Variants in F5 observed in about 807,000 individuals in gnomAD.
F5 encodes activated protein c cofactor.
In F5, 138 loss-of-function variants were observed where a neutral mutation model predicts 216.4. That is an observed-to-expected ratio of 0.64 (90% confidence interval 0.56 to 0.73). F5 has a LOEUF of 0.73. Among genes scored for constraint, F5 ranks in the 30% least tolerant of loss-of-function variants. The pLI, the probability that F5 is intolerant of heterozygous loss-of-function variation, is 0.00. For missense variants in F5, 2,403 were observed against 2,674.0 expected, an observed-to-expected ratio of 0.90 and a Z score of 2.24; for synonymous variants, 916 against 930.7, an observed-to-expected ratio of 0.98 and a Z score of 0.29.
intron 14 of F5, among the ~76,000 whole-genome samples, chr1:169,535,547 A>G (rs937940576): frequency 2.0e-5 from 3 of 152,072 alleles, no homozygotes; most frequent in African/African-American, 7.2e-5. Flanking sequence ...TTCCCTTTTG[A>G]GTCTCCAATG....
In F5 at chr1:169,540,285, T is replaced by C; in HGVS notation, c.4796+9A>G. The C allele has an allele frequency of 1.9e-6, 3 of 1,613,598 alleles. No individual in the cohort carries two copies. Among genetic ancestry groups the C allele is most frequent in the East Asian group, 2.2e-5 (1 of 44,870 alleles). On this transcript the variant is annotated intron_variant, in intron 13 of 24. Coordinates refer to ENST00000367797, the MANE Select transcript of F5 (RefSeq NM_000130.5). ...AAATGAGAATAAAAAAGGAGAAAAC[T>C]GGCCAAACCTTTGTACAAATTCTGA...
chr1:169,550,270 T>TCCCC (rs1272186330), intron 9 of F5, among the ~76,000 whole-genome samples: 5 of 88,926 alleles, frequency 5.6e-5, no homozygotes, highest in African/African-American at 9.8e-5. Flanking sequence ...CCTAATGCTA[T>TCCCC]CCCTCCCCCC....
At chr1:169,550,847 G>A in intron 8 of F5, 108 bp from the exon 9 acceptor site, 2 of 803,874 alleles carry the variant, frequency 2.5e-6, no homozygotes, top group South Asian at 1.4e-5. Context: ...GTGTATACAT[G>A]TGTACACACA....
intron 12 of F5, among the ~76,000 whole-genome samples, 192 bp from the exon 13 acceptor site, chr1:169,543,306 T>A (rs1395582032): frequency 6.6e-6 from 1 of 152,178 alleles, no homozygotes; most frequent in Non-Finnish European, 1.5e-5. Flanking sequence ...AAAATGAGAA[T>A]GAAATATTTA....
intron 3 of F5, among the ~76,000 whole-genome samples, chr1:169,562,479 G>A (rs1660505678): frequency 6.6e-6 from 1 of 151,914 alleles, no homozygotes; most frequent in Admixed American, 6.6e-5. Flanking sequence ...TGTAATTGAT[G>A]ATATGGTTGA....
chr1:169,533,537 A>G (rs1162443633), intron 14 of F5, among the ~76,000 whole-genome samples: 1 of 152,236 alleles, frequency 6.6e-6, no homozygotes, highest in Non-Finnish European at 1.5e-5. Flanking sequence ...AGATAGTTAA[A>G]CAATTGAACA....
Position 169,550,671 on chromosome 1 carries a change from A to G in F5, c.1365T>C (p.Tyr455=), listed in dbSNP as rs146035166. ...TGAAAGAAGAGTTGACTTCATCTTC[A>G]TAAGGCGAGAAGGTCACTCCATGAG... is the stretch of plus-strand genomic sequence containing the variant. ...IYPHGVTFSP[Y]EDEVNSSFTS... is the part of the protein sequence containing the mutation. Residue 455 remains tyrosine, a synonymous_variant, in exon 9 of 25, where the codon TAT becomes TAC. Coordinates refer to ENST00000367797, the MANE Select transcript of F5 (RefSeq NM_000130.5). 10 of 1,613,980 alleles carry G rather than the reference A, an allele frequency of 6.2e-6. No individual in the cohort carries two copies. The highest frequency in any genetic ancestry group is 8.5e-6 in the Non-Finnish European group (10 of 1,179,928).
chr1:169,561,682 C>T (rs771431979), intron 3 of F5, among the ~76,000 whole-genome samples: 12 of 152,080 alleles, frequency 7.9e-5, no homozygotes, highest in Non-Finnish European at 1.3e-4. Flanking sequence ...CAGCTGGTGA[C>T]AGAATTTCTC....
At chr1:169,516,307 T>C (rs1659153598) in intron 23 of F5, among the ~76,000 whole-genome samples, 1 of 152,178 alleles carries the variant, frequency 6.6e-6, no homozygotes. Context: ...GTTGGTGATA[T>C]GTGTTTGGAG....
At chr1:169,526,075 G>T in intron 17 of F5, 58 bp from the exon 18 acceptor site, 1 of 1,170,482 alleles carries the variant, frequency 8.5e-7, no homozygotes, top group Non-Finnish European at 1.3e-6. Flanking sequence ...TATTGTGGTT[G>T]ATAGTTCTCT....
rs918321117 is a variant in F5 at position 169,524,047 on chromosome 1, G to A, written c.5789-143C>T. The A allele has an allele frequency of 3.2e-5, 23 of 712,232 alleles. No individual in the cohort carries two copies. In the African/African-American group the frequency reaches 3.9e-4, roughly 12 times the overall value. 44.1% of individuals were successfully genotyped at this position (712,232 alleles called of 1,614,324 possible). A position where few individuals can be genotyped will look rare whatever the true frequency, so the allele number is the denominator to read the frequency against. Reference sequence around the variant, plus strand: ...GTCTAGGCATGGGCCTCAGCTACTAGGCCAGTCCTTGATGATGAAATCTGG... The same window carrying A: ...GTCTAGGCATGGGCCTCAGCTACTAAGCCAGTCCTTGATGATGAAATCTGG... On this transcript the variant is annotated intron_variant, in intron 19 of 24. Coordinates refer to ENST00000367797, the MANE Select transcript of F5 (RefSeq NM_000130.5).
intron 11 of F5, among the ~76,000 whole-genome samples, chr1:169,545,310 G>A (rs9332592): frequency 0.07 from 10,674 of 152,100 alleles, 1,065 homozygotes; most frequent in East Asian, 0.49. Flanking sequence ...AGTGGTTATC[G>A]AGCACTTGAA....
intron 5 of F5, among the ~76,000 whole-genome samples, chr1:169,557,863 T>C (rs9332575): frequency 0.076 from 11,534 of 152,140 alleles, 604 homozygotes; most frequent in Non-Finnish European, 0.11. Flanking sequence ...AATTAACATA[T>C]CTGTGTTAGC....
At chr1:169,574,835 C>G (rs1660806536) in intron 2 of F5, among the ~76,000 whole-genome samples, 1 of 152,152 alleles carries the variant, frequency 6.6e-6, no homozygotes. Context: ...TGTATTCATT[C>G]CTTTATTCAT....
Position 169,542,566 on chromosome 1 carries a change from G to A in F5, c.2524C>T (p.Pro842Ser). The A allele has an allele frequency of 2.5e-6, 4 of 1,614,018 alleles. No homozygotes were observed. The highest frequency in any genetic ancestry group is 3.4e-6 in the Non-Finnish European group (4 of 1,179,952). Residue 842 changes from proline (P) to serine (S), a missense_variant, in exon 13 of 25, where the codon CCA (proline) becomes TCA (serine). Coordinates refer to ENST00000367797, the MANE Select transcript of F5 (RefSeq NM_000130.5). Reference protein sequence around the residue: ...SEDPIEDPLQPDVTGIRLLSL... With the variant: ...SEDPIEDPLQSDVTGIRLLSL... ...AGTAGACGTATCCCTGTGACATCTG[G>A]CTGTAGAGGATCCTCTATAGGGTCT...
chr1:169,540,351 C>A lies in F5; in HGVS notation c.4739G>T (p.Arg1580Ile). The A allele has an allele frequency of 6.2e-7, 1 of 1,613,934 alleles. No individual in the cohort carries two copies. Among genetic ancestry groups the A allele is most frequent in the Non-Finnish European group, 8.5e-7 (1 of 1,179,890 alleles). Residue 1580 changes from arginine (R) to isoleucine (I), a missense_variant, in exon 13 of 25, where the codon AGA (arginine) becomes ATA (isoleucine). By Grantham distance (97) the Arg-to-Ile change is moderately conservative. This residue lies in a region of F5 where 659 missense variants were observed against 787.9 expected (regional missense o/e 0.84). Coordinates refer to ENST00000367797, the MANE Select transcript of F5 (RefSeq NM_000130.5). ...TTCTTCAGCAGCAATGTAATAATTT[C>A]TTCTGTTTCCATTGTTGCTGCGGAG... Reference protein sequence around the residue: ...WYLRSNNGNRRNYYIAAEEIS... With the variant: ...WYLRSNNGNRINYYIAAEEIS...
rs180742904 is a variant in F5 at position 169,513,732 on chromosome 1, G to T, written c.*581C>A. On this transcript the variant is annotated 3_prime_UTR_variant, in exon 25 of 25. Transcript: ENST00000367797. ...GAATATCAATGTGTGCAGTCCTTAG[G>T]GAGACCAGGACGGATTCACAATTTC... Among the ~76,000 whole-genome samples, 333 of 152,184 alleles carry T rather than the reference G, an allele frequency of 2.2e-3. 1 individual carries two copies. The highest frequency in any genetic ancestry group is 4.1e-3 in the Non-Finnish European group (278 of 67,988).
chr1:169,561,473 GTCT>G (rs1660485669), intron 3 of F5, among the ~76,000 whole-genome samples: 1 of 152,074 alleles, frequency 6.6e-6, no homozygotes, highest in East Asian at 1.9e-4. Context: ...GAAGAAATTG[GTCT>G]TCTTTATTGA....
At chr1:169,577,469 C>G (rs1158847010) in intron 2 of F5, among the ~76,000 whole-genome samples, 1 of 148,542 alleles carries the variant, frequency 6.7e-6, no homozygotes, top group Non-Finnish European at 1.5e-5. Context: ...CTCCTGGGCT[C>G]AAGTGATGCT....
Sources: gnomAD v4.1 joint callset for allele counts (sites outside exome capture counted in the v4.1 genomes callset) on GRCh38, gnomAD v4.1.1 for gene constraint, gnomAD v4.1.1 regional missense constraint, MANE v1.5 for transcripts, NCBI Gene and HGNC (gene_info 2026-07-23, HGNC 2026-07-21) for gene names.